The following HMCN1 variants were observed in gnomAD, a reference collection of about 807,000 sequenced individuals.
The protein encoded by HMCN1 is hemicentin-1.
Under a neutral mutation model 625.9 loss-of-function variants are expected in HMCN1, and 321 were observed. That is an observed-to-expected ratio of 0.51 (90% CI 0.47 to 0.56). HMCN1 has a LOEUF of 0.56. Among genes scored for constraint, HMCN1 ranks in the 20% least tolerant of loss-of-function variants. HMCN1 has a pLI of 0.00. For missense variants in HMCN1, 6,588 were observed against 6,887.3 expected, an observed-to-expected ratio of 0.96 and a Z score of 1.54; for synonymous variants, 2,425 against 2,417.6, an observed-to-expected ratio of 1.00 and a Z score of -0.09.
intron 106 of HMCN1, 105 bp from the exon 107 acceptor site, chr1:186,189,407 T>G: frequency 1.8e-5 from 22 of 1,220,996 alleles, no homozygotes; most frequent in Non-Finnish European, 2.6e-5. Flanking sequence ...CCAGGCTGCC[T>G]ACTGCATGCA....
chr1:186,095,486 G>A lies in HMCN1; in HGVS notation c.10538G>A (p.Gly3513Glu). Residue 3513 changes from glycine to glutamate, a missense_variant, in exon 68 of 107, where the codon GGA (glycine) becomes GAA (glutamate). Gly to Glu is a moderately conservative substitution (Grantham distance 98). Around this residue, in one of 3 missense-constraint regions of HMCN1, gnomAD observed 4,628 missense variants for 4,853.1 expected, o/e 0.95. Coordinates refer to ENST00000271588, the MANE Select transcript of HMCN1 (RefSeq NM_031935.3). ...ACCTGCATTGCCTCAAATGAAGCTG[G>A]AGAAGTCAGCAAGCACTTTATCCTC... is the stretch of plus-strand genomic sequence containing the variant. ...KYTCIASNEA[G>E]EVSKHFILKV... 6.2e-7 allele frequency: 1 copy of A among 1,613,652 alleles called. No individual in the cohort carries two copies. The highest frequency in any genetic ancestry group is 8.5e-7 in the Non-Finnish European group (1 of 1,179,732).
chr1:185,756,410 G>C (rs1420249770), intron 1 of HMCN1, among the ~76,000 whole-genome samples: 1 of 151,276 alleles, frequency 6.6e-6, no homozygotes, highest in Non-Finnish European at 1.5e-5. Flanking sequence ...CCTGGGTCTG[G>C]AACTGTTTTT....
At chr1:186,130,770 A>G in intron 85 of HMCN1, 73 bp downstream of exon 85, 1 of 1,264,588 alleles carries the variant, frequency 7.9e-7, no homozygotes, top group Non-Finnish European at 1.2e-6. Flanking sequence ...TGCCATAGAT[A>G]AGAAACATTT....
chr1:186,068,815 G>A (rs1357838934), intron 50 of HMCN1, among the ~76,000 whole-genome samples: 1 of 139,130 alleles, frequency 7.2e-6, no homozygotes, highest in African/African-American at 2.8e-5. Flanking sequence ...GTTGCAGTAA[G>A]CCGAGATCGT....
chr1:185,900,690 T>C (rs1452506493), intron 4 of HMCN1, among the ~76,000 whole-genome samples: 1 of 151,964 alleles, frequency 6.6e-6, no homozygotes, highest in Non-Finnish European at 1.5e-5. Context: ...CATTTGAATG[T>C]ATACTTCCTA....
rs545169240 is a variant in HMCN1 at position 185,883,565 on chromosome 1, G to A, written c.621+17702G>A. ...TTGAAATTTACCCAAGTTATTGTGT[G>A]TATCATTAGTTGGTTCCATTTTACT... On this transcript the variant is annotated intron_variant, in intron 4 of 106. Coordinates refer to ENST00000271588, the MANE Select transcript of HMCN1 (RefSeq NM_031935.3). Among the ~76,000 whole-genome samples, 6 of 152,078 alleles carry A rather than the reference G, an allele frequency of 3.9e-5. No individual in the cohort carries two copies. In the East Asian group the frequency reaches 9.6e-4, roughly 24 times the overall value.
intron 11 of HMCN1, chr1:185,956,941 AT>A (rs1558093811): frequency 6.6e-6 from 1 of 152,400 alleles, no homozygotes; most frequent in East Asian, 1.9e-4. Flanking sequence ...TCACATTGTC[AT>A]TTTTTAAACC....
intron 103 of HMCN1, among the ~76,000 whole-genome samples, chr1:186,175,189 TGAAG>T (rs745389401): frequency 3.9e-5 from 6 of 152,236 alleles, no homozygotes; most frequent in Non-Finnish European, 7.3e-5. Context: ...TATTTGAATA[TGAAG>T]GCAAATAGAA....
At chr1:185,780,087 A>G (rs1040648031) in intron 1 of HMCN1, among the ~76,000 whole-genome samples, 73 of 152,016 alleles carry the variant, frequency 4.8e-4, no homozygotes, top group East Asian at 3.5e-3. Flanking sequence ...GGATTCCTAG[A>G]TATTTTATTC....
chr1:185,817,565 G>A (rs180711780), intron 1 of HMCN1, among the ~76,000 whole-genome samples: 22 of 152,292 alleles, frequency 1.4e-4, no homozygotes, highest in East Asian at 7.7e-4. Context: ...AAGTTTGTGC[G>A]TGCTTAAGGA....
At chr1:186,035,814 C>T (rs939734359) in intron 36 of HMCN1, among the ~76,000 whole-genome samples, 2 of 152,044 alleles carry the variant, frequency 1.3e-5, no homozygotes, top group Non-Finnish European at 2.9e-5. Context: ...ATTTGAAAAA[C>T]ATATATATTC....
intron 1 of HMCN1, among the ~76,000 whole-genome samples, chr1:185,838,924 A>C (rs954477572): frequency 7.2e-5 from 11 of 152,246 alleles, no homozygotes; most frequent in Non-Finnish European, 1.0e-4. Flanking sequence ...TTATATACAC[A>C]CAGACATCTA....
chr1:186,150,667 G>A (rs1650608491), intron 93 of HMCN1, among the ~76,000 whole-genome samples: 1 of 152,076 alleles, frequency 6.6e-6, no homozygotes, highest in South Asian at 2.1e-4. Context: ...ATGTTCTCAT[G>A]AAGGAGGCAA....
chr1:185,746,512 T>C (rs928633939), intron 1 of HMCN1, among the ~76,000 whole-genome samples: 1 of 152,178 alleles, frequency 6.6e-6, no homozygotes, highest in Non-Finnish European at 1.5e-5. Context: ...TGGCAATCTT[T>C]GACGTTCCTT....
At chr1:185,747,322 CTT>C (rs376197957) in intron 1 of HMCN1, among the ~76,000 whole-genome samples, 11 of 143,296 alleles carry the variant, frequency 7.7e-5, no homozygotes, top group Non-Finnish European at 6.2e-5. Context: ...AAACCTGTTA[CTT>C]TTTTTTTTTT....
At chr1:186,099,552 A>G (rs1357081118) in intron 68 of HMCN1, among the ~76,000 whole-genome samples, 1 of 152,148 alleles carries the variant, frequency 6.6e-6, no homozygotes, top group Non-Finnish European at 1.5e-5. Flanking sequence ...TAAGAAAGAT[A>G]TGATCTCAGC....
chr1:185,811,127 T>C (rs1659488378), intron 1 of HMCN1, among the ~76,000 whole-genome samples: 2 of 152,126 alleles, frequency 1.3e-5, no homozygotes, highest in African/African-American at 4.8e-5. Context: ...TCCTTACATA[T>C]AGGACTTAAG....
chr1:185,956,124 G>A (rs1303459518), intron 11 of HMCN1, among the ~76,000 whole-genome samples: 1 of 152,120 alleles, frequency 6.6e-6, no homozygotes, highest in Admixed American at 6.6e-5. Flanking sequence ...GTCTATTAGA[G>A]ATACAGGAAA....
chr1:185,920,269 T>C (rs1666938151), intron 6 of HMCN1, among the ~76,000 whole-genome samples: 1 of 152,310 alleles, frequency 6.6e-6, no homozygotes, highest in East Asian at 1.9e-4. Flanking sequence ...GTTAGTTTAT[T>C]TGGGATGTCC....
Sources: gnomAD v4.1 joint callset for allele counts (sites outside exome capture counted in the v4.1 genomes callset) on GRCh38, gnomAD v4.1.1 for gene constraint, gnomAD v4.1.1 regional missense constraint, MANE v1.5 for transcripts, NCBI Gene and HGNC (gene_info 2026-07-23, HGNC 2026-07-21) for gene names.